SUMF1: variants seen among roughly 807,000 people sequenced by gnomAD.
The protein encoded by SUMF1 is sulfatase modifying factor 1.
SUMF1 carries 48 observed loss-of-function variants against 47.6 expected under a neutral mutation model. The ratio of observed to expected loss-of-function variants is 1.01; its 90% CI spans 0.80 to 1.28. SUMF1 has a LOEUF of 1.28. SUMF1 is among the 50% of genes most tolerant of loss of function. SUMF1 has a pLI of 0.00. For synonymous variants in SUMF1, 230 were observed against 192.1 expected (o/e 1.20, Z -1.63); for missense variants, 571 against 485.4 (o/e 1.18, Z -1.66).
At chr3:4,349,164 A>G (rs1699434974) in intron 8 of SUMF1, among the ~76,000 whole-genome samples, 1 of 147,906 alleles carries the variant, frequency 6.8e-6, no homozygotes, top group Non-Finnish European at 1.5e-5. Context: ...AGAAAAAAAC[A>G]AACAACCTTA....
At chr3:4,236,576 A>C (rs1467870928) in intron 8 of SUMF1, among the ~76,000 whole-genome samples, 5 of 98,410 alleles carry the variant, frequency 5.1e-5, no homozygotes, top group Non-Finnish European at 8.9e-5. Context: ...CAACATAGTG[A>C]GACCCCCCAT....
At chr3:4,369,836 T>TTA (rs1700115968) in intron 8 of SUMF1, among the ~76,000 whole-genome samples, 1 of 152,160 alleles carries the variant, frequency 6.6e-6, no homozygotes, top group Admixed American at 6.5e-5. Flanking sequence ...TAACACTAGT[T>TTA]TATAGGATTT....
At chr3:4,363,879 T>C (rs1039619683) in intron 8 of SUMF1, among the ~76,000 whole-genome samples, 1 of 142,586 alleles carries the variant, frequency 7.0e-6, no homozygotes, top group Non-Finnish European at 1.5e-5. Flanking sequence ...ATAGCTCTTA[T>C]TATTTTGAGA....
chr3:4,057,437 T>C (rs1052038133), intron 9 of SUMF1, among the ~76,000 whole-genome samples: 1 of 152,034 alleles, frequency 6.6e-6, no homozygotes, highest in Non-Finnish European at 1.5e-5. Flanking sequence ...AGGAAGGACA[T>C]GGGTAAATCG....
At chr3:4,094,665 T>A (rs1021253058) in intron 8 of SUMF1, among the ~76,000 whole-genome samples, 1 of 152,112 alleles carries the variant, frequency 6.6e-6, no homozygotes, top group East Asian at 1.9e-4. Flanking sequence ...AATTATGCAA[T>A]TGCCCTAGTT....
intron 8 of SUMF1, among the ~76,000 whole-genome samples, chr3:4,336,525 T>C (rs187386121): frequency 1.1e-4 from 17 of 152,360 alleles, no homozygotes; most frequent in Non-Finnish European, 8.8e-5. Context: ...GGTGGCTTGA[T>C]TCCCAAGTTT....
intron 3 of SUMF1, among the ~76,000 whole-genome samples, chr3:4,438,864 C>T (rs1226141597): frequency 1.3e-5 from 2 of 152,024 alleles, no homozygotes; most frequent in Non-Finnish European, 2.9e-5. Flanking sequence ...TTTTCAAATA[C>T]ACGATTTATT....
chr3:4,127,356 T>G (rs769436999), intron 8 of SUMF1, among the ~76,000 whole-genome samples: 7 of 152,152 alleles, frequency 4.6e-5, no homozygotes, highest in Non-Finnish European at 1.0e-4. Context: ...ATCCTGGGTG[T>G]GTCTGTGAGG....
At chr3:4,128,088 T>C (rs1412413477) in intron 8 of SUMF1, among the ~76,000 whole-genome samples, 1 of 152,108 alleles carries the variant, frequency 6.6e-6, no homozygotes, top group Non-Finnish European at 1.5e-5. Context: ...AATGATGAAC[T>C]CAGGGATTCT....
chr3:4,402,269 T>C (rs1559276085), intron 7 of SUMF1, among the ~76,000 whole-genome samples: 1 of 152,206 alleles, frequency 6.6e-6, no homozygotes, highest in Non-Finnish European at 1.5e-5. Context: ...TTGGATCCCA[T>C]GGACCTATCA....
chr3:4,051,637 C>T (rs2125023417), intron 9 of SUMF1, among the ~76,000 whole-genome samples: 1 of 152,220 alleles, frequency 6.6e-6, no homozygotes, highest in South Asian at 2.1e-4. Context: ...TTCCTCCCTC[C>T]TACCATCTTT....
intron 8 of SUMF1, among the ~76,000 whole-genome samples, chr3:4,134,426 C>T (rs1010255374): frequency 6.6e-6 from 1 of 152,086 alleles, no homozygotes; most frequent in South Asian, 2.1e-4. Flanking sequence ...CCAATGAGAA[C>T]AAAGATACAA....
At chr3:4,388,901 GTATAA>G (rs1700760506) in intron 7 of SUMF1, among the ~76,000 whole-genome samples, 1 of 152,014 alleles carries the variant, frequency 6.6e-6, no homozygotes. Flanking sequence ...CTTCTCTTGT[GTATAA>G]TATAATCATA....
intron 8 of SUMF1, among the ~76,000 whole-genome samples, chr3:4,282,707 T>G (rs1473353133): frequency 5.3e-5 from 8 of 152,222 alleles, no homozygotes; most frequent in African/African-American, 9.7e-5. Context: ...AAGAAAATCT[T>G]ATTTTGAAAC....
chr3:4,085,361 A>T (rs1692649450), intron 8 of SUMF1, among the ~76,000 whole-genome samples: 1 of 152,052 alleles, frequency 6.6e-6, no homozygotes, highest in Non-Finnish European at 1.5e-5. Context: ...TGAGGGGAGA[A>T]TATAAATTTG....
intron 3 of SUMF1, among the ~76,000 whole-genome samples, chr3:4,447,373 G>A (rs1483431717): frequency 6.6e-6 from 1 of 152,112 alleles, no homozygotes; most frequent in African/African-American, 2.4e-5. Context: ...CTAAGGATAT[G>A]CTAGCACTCA....
At chr3:4,166,848 C>G (rs1413184625) in intron 8 of SUMF1, among the ~76,000 whole-genome samples, 1 of 152,078 alleles carries the variant, frequency 6.6e-6, no homozygotes, top group Non-Finnish European at 1.5e-5. Flanking sequence ...AAGCTGGTTC[C>G]AGGCAAACCA....
chr3:4,049,542 C>G (rs73117902), intron 9 of SUMF1, among the ~76,000 whole-genome samples: 13,686 of 152,174 alleles, frequency 0.09, 748 homozygotes, highest in Middle Eastern at 0.16. Flanking sequence ...TCAGTAACCA[C>G]TGCTCCTCAA....
intron 8 of SUMF1, among the ~76,000 whole-genome samples, chr3:4,343,782 T>G (rs890086163): frequency 6.6e-6 from 1 of 152,234 alleles, no homozygotes; most frequent in Admixed American, 6.5e-5. Flanking sequence ...TATGTTTTGA[T>G]GCAGCAGCTA....
Sources: gnomAD v4.1 joint callset for allele counts (sites outside exome capture counted in the v4.1 genomes callset) on GRCh38, gnomAD v4.1.1 for gene constraint, MANE v1.5 for transcripts, NCBI Gene and HGNC (gene_info 2026-07-23, HGNC 2026-07-21) for gene names.